The following AGMO variants were observed in gnomAD, a reference collection of about 807,000 sequenced individuals.
AGMO encodes the protein glyceryl-ether monooxygenase.
A neutral mutation model predicts 60.2 loss-of-function variants in AGMO; 75 were observed. That is an observed-to-expected ratio of 1.25 (90% confidence interval 1.03 to 1.51). The LOEUF (loss-of-function observed/expected upper bound fraction) is 1.51. Ranked by LOEUF, AGMO falls within the 40% of genes most tolerant of loss-of-function variation. The probability of loss-of-function intolerance (pLI) is 0.00; values close to 1 mark genes in which losing one functional copy is unlikely to be tolerated. For synonymous variants in AGMO, 261 were observed against 177.1 expected (o/e 1.47, Z -3.76); for missense variants, 763 against 525.5 (o/e 1.45, Z -4.42).
chr7:15,317,886 C>T (rs919821747), intron 12 of AGMO, among the ~76,000 whole-genome samples: 8 of 145,916 alleles, frequency 5.5e-5, no homozygotes, highest in South Asian at 2.2e-4. Flanking sequence ...TATATACACA[C>T]GTATATATAT....
At chr7:15,398,074 G>C (rs1040485902) in intron 5 of AGMO, among the ~76,000 whole-genome samples, 9 of 152,162 alleles carry the variant, frequency 5.9e-5, no homozygotes, top group African/African-American at 1.9e-4. Flanking sequence ...GAGAAAACCA[G>C]TTTACCCTTG....
intron 12 of AGMO, among the ~76,000 whole-genome samples, chr7:15,266,934 G>C (rs1241721657): frequency 6.6e-6 from 1 of 151,888 alleles, no homozygotes; most frequent in East Asian, 1.9e-4. Flanking sequence ...TTCCACAGAA[G>C]AGGCAATCTA....
the AGMO span, among the ~76,000 whole-genome samples, chr7:15,148,120 T>G: frequency 1.1e-3 from 171 of 152,232 alleles, 7 homozygotes; most frequent in East Asian, 0.031. Flanking sequence ...GTTAACATTT[T>G]CCATATTTGT....
chr7:15,330,812 A>AT (rs997528769), intron 12 of AGMO, among the ~76,000 whole-genome samples: 10 of 145,446 alleles, frequency 6.9e-5, no homozygotes, highest in South Asian at 2.1e-4. Context: ...GCCTCTCCTT[A>AT]TTTTTTTTTA....
At chr7:15,530,588 A>ATATATATTCTATATACGTATTTC in intron 3 of AGMO, among the ~76,000 whole-genome samples, 2 of 94,988 alleles carry the variant, frequency 2.1e-5, no homozygotes, top group African/African-American at 7.5e-5. Flanking sequence ...ACGTATTTCT[A>ATATATATTCTATATACGTATTTC]TATATATATT....
At chr7:15,478,244 T>G (rs1379769731) in intron 3 of AGMO, among the ~76,000 whole-genome samples, 5 of 152,184 alleles carry the variant, frequency 3.3e-5, no homozygotes, top group Non-Finnish European at 7.3e-5. Context: ...ATTCATGCAC[T>G]CGACTTGTTG....
rs746483778 is a variant in AGMO, at chr7:15,365,502, CA to C, written c.1263+11del. ...ATACGCCATCCTGTGGCTACCTAAA[CA>C]AATGTCTTACCTCAAAAGCAGATGA... On this transcript the variant is annotated intron_variant, in intron 12 of 12. Coordinates refer to ENST00000342526, the MANE Select transcript of AGMO (RefSeq NM_001004320.2). 2 of 1,590,368 alleles carry C rather than the reference CA, an allele frequency of 1.3e-6. No individual in the cohort carries two copies. The highest frequency in any genetic ancestry group is 2.2e-5 in the South Asian group (2 of 90,134).
the AGMO span, among the ~76,000 whole-genome samples, chr7:15,166,209 G>A: frequency 6.6e-6 from 1 of 150,758 alleles, no homozygotes. Flanking sequence ...TGCTGAGTGA[G>A]AAGAGGAGAG....
intron 12 of AGMO, among the ~76,000 whole-genome samples, chr7:15,321,015 A>G (rs969687756): frequency 1.3e-5 from 2 of 152,174 alleles, no homozygotes; most frequent in Non-Finnish European, 2.9e-5. Context: ...TCCTAGCAAT[A>G]CACAGACAGA....
At chr7:15,479,709 G>C (rs922212966) in intron 3 of AGMO, among the ~76,000 whole-genome samples, 2 of 152,136 alleles carry the variant, frequency 1.3e-5, no homozygotes, top group African/African-American at 2.4e-5. Context: ...AACCCTGAAG[G>C]CCTGCCTTGT....
chr7:15,220,288 G>C (rs910016380), intron 12 of AGMO, among the ~76,000 whole-genome samples: 4 of 142,556 alleles, frequency 2.8e-5, no homozygotes, highest in Non-Finnish European at 6.0e-5. Context: ...GCTTGGATCT[G>C]GGCTCACTGC....
chr7:15,330,711 A>G (rs1303332948), intron 12 of AGMO, among the ~76,000 whole-genome samples: 2 of 152,126 alleles, frequency 1.3e-5, no homozygotes, highest in East Asian at 1.9e-4. Context: ...TTAGTTGCTA[A>G]TATCAGGAAT....
chr7:15,531,422 T>C (rs1427752434), intron 3 of AGMO, among the ~76,000 whole-genome samples: 2 of 82,046 alleles, frequency 2.4e-5, no homozygotes, highest in East Asian at 6.3e-4. Context: ...ATATTCTATA[T>C]ATATTCTATA....
At chr7:15,169,711 AC>A in the AGMO span, among the ~76,000 whole-genome samples, 82 of 152,310 alleles carry the variant, frequency 5.4e-4, 1 homozygote, top group South Asian at 0.017. Flanking sequence ...TGCTGGGGTT[AC>A]AGGCGTGAGA....
At position 15,365,613 on chromosome 7, in the gene AGMO, C is replaced by A. The variant is rs1466763105; in HGVS notation, c.1164G>T (p.Lys388Asn). 2.5e-6 allele frequency: 4 copies of A among 1,611,322 alleles called. No homozygotes were observed. Among genetic ancestry groups the A allele is most frequent in the Non-Finnish European group, 2.5e-6 (3 of 1,178,000 alleles). The stretch of plus-strand genomic sequence containing the variant: ...AACGGAGAGTTTCCATAATAGCTGC[C>A]TTGGGTCTGAAATAAAATGTCATTA... ...SIGFLLDQRP[K>N]AAIMETLRCL... The change falls in exon 12 of 13, where the codon AAG becomes AAT. Residue 388 changes from lysine to asparagine, a missense_variant. Transcript: ENST00000342526.
chr7:15,186,542 A>T, the AGMO span, among the ~76,000 whole-genome samples: 6 of 152,158 alleles, frequency 3.9e-5, no homozygotes, highest in Admixed American at 2.6e-4. Context: ...CATGAAAACC[A>T]CCCAACTTAG....
Position 15,500,443 on chromosome 7 carries a change from C to G in AGMO, c.409+44329G>C, listed in dbSNP as rs1440528137. On this transcript the variant is annotated intron_variant, in intron 3 of 12. Coordinates refer to ENST00000342526, the MANE Select transcript of AGMO (RefSeq NM_001004320.2). ...TTAAAAAGTAATCCAAGAAGGAAAA[C>G]CCTACAGTATTTATTTTTATTTGAA... 2.6e-5 allele frequency among the ~76,000 whole-genome samples: 4 copies of G among 151,708 alleles called. No individual in the cohort carries two copies. In the East Asian group the frequency reaches 7.7e-4, roughly 29 times the overall value.
chr7:15,377,936 A>T (rs1783520346), intron 10 of AGMO, among the ~76,000 whole-genome samples: 3 of 152,068 alleles, frequency 2.0e-5, no homozygotes, highest in African/African-American at 7.2e-5. Context: ...TGGTCCAAAA[A>T]GAAATTCTTG....
At chr7:15,497,209 C>T (rs1456143954) in intron 3 of AGMO, among the ~76,000 whole-genome samples, 1 of 152,036 alleles carries the variant, frequency 6.6e-6, no homozygotes, top group Non-Finnish European at 1.5e-5. Flanking sequence ...CCTATCATTC[C>T]TATTTGACAG....
Sources: gnomAD v4.1 joint callset for allele counts (sites outside exome capture counted in the v4.1 genomes callset) on GRCh38, gnomAD v4.1.1 for gene constraint, MANE v1.5 for transcripts, NCBI Gene and HGNC (gene_info 2026-07-23, HGNC 2026-07-21) for gene names.